The following ASTN1 variants were observed in gnomAD, a reference collection of about 807,000 sequenced individuals.
The protein encoded by ASTN1 is astrotactin-1.
Under a neutral mutation model 140.7 loss-of-function variants are expected in ASTN1, and 41 were observed. The observed-to-expected ratio is 0.29, with a 90% confidence interval of 0.23 to 0.38. The LOEUF (loss-of-function observed/expected upper bound fraction) is 0.38, where lower values mean the gene tolerates loss of function less well. Ranked by LOEUF, ASTN1 falls within the 10% of genes least tolerant of loss-of-function variation. The pLI, the probability that ASTN1 is intolerant of heterozygous loss-of-function variation, is 1.00. For synonymous variants in ASTN1, 640 were observed against 652.2 expected, an observed-to-expected ratio of 0.98 and a Z score of 0.29; for missense variants, 1,479 against 1,678.8, an observed-to-expected ratio of 0.88 and a Z score of 2.08.
intron 2 of ASTN1, among the ~76,000 whole-genome samples, chr1:177,050,600 A>G: frequency 1.3e-5 from 2 of 152,142 alleles, no homozygotes; most frequent in East Asian, 3.9e-4. Context: ...GACCCCTTGC[A>G]ATCTTGGGGA....
intron 1 of ASTN1, among the ~76,000 whole-genome samples, chr1:177,062,406 A>C (rs1678142551): frequency 6.6e-6 from 1 of 151,328 alleles, no homozygotes; most frequent in Admixed American, 6.6e-5. Context: ...ATGCTCAGCT[A>C]ATTTGTTTTT....
At chr1:176,884,223 C>T in intron 19 of ASTN1, 116 bp downstream of exon 19, 2 of 1,193,564 alleles carry the variant, frequency 1.7e-6, no homozygotes, top group Non-Finnish European at 2.3e-6. Flanking sequence ...CCTGCTCCTC[C>T]TGCATTGCCC....
intron 11 of ASTN1, among the ~76,000 whole-genome samples, chr1:176,950,583 C>A (rs1672152845): frequency 2.0e-5 from 3 of 152,168 alleles, no homozygotes; most frequent in Admixed American, 2.0e-4. Flanking sequence ...GCACTGGGCT[C>A]TGTTTCAAAG....
rs966534843 is a variant in ASTN1 at position 177,105,022 on chromosome 1, G to C, written c.284-43757C>G. Among the ~76,000 whole-genome samples, 4 of 152,108 alleles carry C rather than the reference G, an allele frequency of 2.6e-5. No homozygotes were observed. The East Asian group carries it at 7.7e-4, about 29-fold the overall frequency. On this transcript the variant is annotated intron_variant, in intron 1 of 22. Coordinates refer to ENST00000361833, the MANE Select transcript of ASTN1 (RefSeq NM_004319.3). ...CTGGCTCACAGAGTTAATAGACAGC[G>C]TGGAGACTCACTGCCTAGGGAGTCA...
intron 2 of ASTN1, among the ~76,000 whole-genome samples, chr1:177,046,079 G>A (rs7416836): frequency 0.55 from 84,355 of 152,004 alleles, 23,864 homozygotes; most frequent in Non-Finnish European, 0.61. Flanking sequence ...TGGCTTAACA[G>A]GAGAACCAAA....
At chr1:177,024,553 A>G in intron 6 of ASTN1, 30 bp downstream of exon 6, 1 of 1,606,404 alleles carries the variant, frequency 6.2e-7, no homozygotes, top group Non-Finnish European at 8.5e-7. Flanking sequence ...TTTGGGGGGC[A>G]AGGTCGCATC....
chr1:177,038,592 C>A (rs1012626185), intron 2 of ASTN1, among the ~76,000 whole-genome samples: 1 of 152,164 alleles, frequency 6.6e-6, no homozygotes, highest in African/African-American at 2.4e-5. Context: ...ATATGGTCAT[C>A]TTCTCTGTGC....
At chr1:176,964,743 C>G (rs1354368427) in intron 9 of ASTN1, among the ~76,000 whole-genome samples, 2 of 152,104 alleles carry the variant, frequency 1.3e-5, no homozygotes, top group African/African-American at 2.4e-5. Context: ...GAGGAAGGTG[C>G]AAATTAGATG....
chr1:177,147,269 A>G (rs1682760732), intron 1 of ASTN1, among the ~76,000 whole-genome samples: 1 of 152,146 alleles, frequency 6.6e-6, no homozygotes, highest in Admixed American at 6.5e-5. Flanking sequence ...GGGAAGATCT[A>G]TGGAACACTT....
At chr1:177,149,815 TATACA>T (rs1182240897) in intron 1 of ASTN1, among the ~76,000 whole-genome samples, 2 of 120,298 alleles carry the variant, frequency 1.7e-5, no homozygotes, top group Non-Finnish European at 3.3e-5. Context: ...AGTAAATATA[TATACA>T]GTGTATATAC....
chr1:176,994,149 T>C (rs1221943628), intron 8 of ASTN1, among the ~76,000 whole-genome samples: 3 of 95,574 alleles, frequency 3.1e-5, no homozygotes, highest in Non-Finnish European at 5.8e-5. Context: ...GGAAAGAAAA[T>C]AGCAGGTAAA....
At chr1:177,046,410 G>C (rs1013354236) in intron 2 of ASTN1, among the ~76,000 whole-genome samples, 11 of 152,196 alleles carry the variant, frequency 7.2e-5, no homozygotes, top group Non-Finnish European at 1.0e-4. Flanking sequence ...AGACAGACCA[G>C]CCATCGTGAC....
chr1:176,871,446 T>C (rs781465073), intron 21 of ASTN1, among the ~76,000 whole-genome samples: 1 of 152,150 alleles, frequency 6.6e-6, no homozygotes. Context: ...CTGGTTGTGG[T>C]AGTCTTTGCG....
chr1:176,859,241 C>A (rs150280567), downstream of ASTN1, among the ~76,000 whole-genome samples: 1 of 152,156 alleles, frequency 6.6e-6, no homozygotes, highest in Non-Finnish European at 1.5e-5. Context: ...TCCTGGAATT[C>A]CTATCTGGGC....
intron 1 of ASTN1, among the ~76,000 whole-genome samples, chr1:177,155,002 G>A (rs546525386): frequency 6.6e-5 from 10 of 152,262 alleles, no homozygotes; most frequent in Admixed American, 5.2e-4. Context: ...GGTACTTCAT[G>A]CAATGGAATA....
chr1:176,915,929 G>A (rs1300714147), intron 16 of ASTN1, among the ~76,000 whole-genome samples: 1 of 152,178 alleles, frequency 6.6e-6, no homozygotes, highest in African/African-American at 2.4e-5. Flanking sequence ...AATCAAACAT[G>A]ACTGCTAGCT....
intron 1 of ASTN1, among the ~76,000 whole-genome samples, chr1:177,100,230 G>A (rs1207624824): frequency 6.6e-6 from 1 of 152,014 alleles, no homozygotes; most frequent in South Asian, 2.1e-4. Flanking sequence ...AATGTGGTGA[G>A]TTATAATAGT....
At chr1:176,927,804 T>C (rs986129052) in intron 16 of ASTN1, among the ~76,000 whole-genome samples, 3 of 152,228 alleles carry the variant, frequency 2.0e-5, no homozygotes, top group Non-Finnish European at 4.4e-5. Flanking sequence ...ACCTCAGTGA[T>C]ACAGTTAACT....
chr1:177,042,954 C>T (rs996412705), intron 2 of ASTN1, among the ~76,000 whole-genome samples: 28 of 152,216 alleles, frequency 1.8e-4, no homozygotes, highest in African/African-American at 6.5e-4. Context: ...GTCCCAGATA[C>T]CTGCAATCTT....
Sources: allele counts gnomAD v4.1 joint callset (sites outside exome capture counted in the v4.1 genomes callset), GRCh38; gene constraint gnomAD v4.1.1; transcripts MANE v1.5; gene names NCBI Gene and HGNC (gene_info 2026-07-23, HGNC 2026-07-21).